Variants in NKAIN2 observed in about 807,000 individuals in gnomAD.
NKAIN2 encodes sodium/potassium transporting ATPase interacting 2.
NKAIN2 carries 14 observed loss-of-function variants against 32.6 expected under a neutral mutation model. The observed-to-expected ratio is 0.43, with a 90% CI of 0.28 to 0.67. NKAIN2 has a LOEUF of 0.67. Ranked by LOEUF, NKAIN2 falls within the 30% of genes least tolerant of loss-of-function variation. NKAIN2 has a pLI of 0.17. For synonymous variants in NKAIN2, 80 were observed against 87.2 expected (o/e 0.92, Z 0.46); for missense variants, 198 against 258.3 (o/e 0.77, Z 1.60).
chr6:124,744,073 T>A (rs1275118096), intron 4 of NKAIN2, among the ~76,000 whole-genome samples: 2 of 151,928 alleles, frequency 1.3e-5, no homozygotes. Flanking sequence ...AATTTTTGTT[T>A]CTTTTTTTCT....
chr6:123,982,560 T>G, intron 1 of NKAIN2, among the ~76,000 whole-genome samples: 1 of 152,096 alleles, frequency 6.6e-6, no homozygotes, highest in East Asian at 1.9e-4. Flanking sequence ...AAGGATTGGG[T>G]TTGAGCTTCC....
At chr6:124,470,341 G>A (rs368000476) in intron 3 of NKAIN2, among the ~76,000 whole-genome samples, 1 of 152,054 alleles carries the variant, frequency 6.6e-6, no homozygotes, top group African/African-American at 2.4e-5. Flanking sequence ...TTCAAGCAGG[G>A]TGGTGACATG....
chr6:124,083,156 T>C (rs1385930428), intron 1 of NKAIN2, among the ~76,000 whole-genome samples: 1 of 151,990 alleles, frequency 6.6e-6, no homozygotes, highest in East Asian at 1.9e-4. Context: ...TGAATAATTT[T>C]AAATTATAAT....
intron 1 of NKAIN2, among the ~76,000 whole-genome samples, chr6:124,180,058 G>T (rs879239472): frequency 1.3e-5 from 2 of 151,860 alleles, no homozygotes; most frequent in Admixed American, 1.3e-4. Flanking sequence ...TCCTTTCATG[G>T]GTAAATAGAT....
chr6:124,800,887 G>A (rs1439048697), intron 5 of NKAIN2, among the ~76,000 whole-genome samples: 1 of 152,160 alleles, frequency 6.6e-6, no homozygotes, highest in African/African-American at 2.4e-5. Flanking sequence ...TTTCAGCAAA[G>A]AGTGTAGTTT....
At chr6:123,924,516 G>A (rs557291808) in intron 1 of NKAIN2, among the ~76,000 whole-genome samples, 1 of 152,242 alleles carries the variant, frequency 6.6e-6, no homozygotes, top group South Asian at 2.1e-4. Flanking sequence ...AGAATTATAT[G>A]TTTATAAGCT....
intron 4 of NKAIN2, among the ~76,000 whole-genome samples, chr6:124,680,139 A>G (rs778589200): frequency 1.3e-5 from 2 of 152,170 alleles, no homozygotes; most frequent in Non-Finnish European, 2.9e-5. Flanking sequence ...TCTGGTTGTA[A>G]AGTAACCTAA....
chr6:124,292,526 G>T (rs1185094966), intron 2 of NKAIN2, among the ~76,000 whole-genome samples: 1 of 149,336 alleles, frequency 6.7e-6, no homozygotes, highest in African/African-American at 2.5e-5. Context: ...AACAATGAGA[G>T]CTGAGCAGAT....
At chr6:123,804,572 C>G (rs1258002261) in intron 1 of NKAIN2, among the ~76,000 whole-genome samples, 2 of 152,118 alleles carry the variant, frequency 1.3e-5, no homozygotes, top group African/African-American at 4.8e-5. Flanking sequence ...CATGTAACAA[C>G]GTGATTGTCA....
chr6:124,175,458 A>G (rs908505389), intron 1 of NKAIN2, among the ~76,000 whole-genome samples: 1 of 152,228 alleles, frequency 6.6e-6, no homozygotes, highest in Non-Finnish European at 1.5e-5. Context: ...TAAACATTTA[A>G]AAGTTAAAAC....
At chr6:123,828,338 A>G (rs1458363908) in intron 1 of NKAIN2, among the ~76,000 whole-genome samples, 1 of 152,102 alleles carries the variant, frequency 6.6e-6, no homozygotes, top group Non-Finnish European at 1.5e-5. Context: ...ATCTCCAGCA[A>G]CACTGTGTTA....
intron 3 of NKAIN2, among the ~76,000 whole-genome samples, chr6:124,465,604 A>G (rs926525807): frequency 4.0e-5 from 6 of 148,990 alleles, no homozygotes; most frequent in Non-Finnish European, 5.9e-5. Flanking sequence ...GGTTCTGCAC[A>G]TGTATCCCAG....
chr6:124,190,553 A>G (rs1054267705), intron 1 of NKAIN2, among the ~76,000 whole-genome samples: 2 of 152,208 alleles, frequency 1.3e-5, no homozygotes, highest in Non-Finnish European at 2.9e-5. Flanking sequence ...GTGGCTCTAT[A>G]ATTGGCATTT....
intron 4 of NKAIN2, among the ~76,000 whole-genome samples, chr6:124,776,989 A>T (rs1779008962): frequency 6.6e-6 from 1 of 152,174 alleles, no homozygotes; most frequent in South Asian, 2.1e-4. Flanking sequence ...TTGTATTATC[A>T]TTAATAAAGA....
At chr6:124,544,152 A>C (rs1043200885) in intron 3 of NKAIN2, among the ~76,000 whole-genome samples, 3 of 152,070 alleles carry the variant, frequency 2.0e-5, no homozygotes, top group Non-Finnish European at 2.9e-5. Context: ...AGTCAAGTGA[A>C]CTTTCTTGTG....
intron 1 of NKAIN2, among the ~76,000 whole-genome samples, chr6:124,025,280 A>G (rs2114770741): frequency 6.6e-6 from 1 of 152,230 alleles, no homozygotes; most frequent in South Asian, 2.1e-4. Flanking sequence ...CTCAACTCAC[A>G]AATAGTGTGT....
At chr6:124,626,042 A>G (rs570019297) in intron 3 of NKAIN2, among the ~76,000 whole-genome samples, 3 of 150,430 alleles carry the variant, frequency 2.0e-5, no homozygotes, top group South Asian at 2.1e-4. Context: ...TGCTGCACCC[A>G]TTAACTCGTC....
At chr6:124,354,908 A>G (rs1374295263) in intron 2 of NKAIN2, among the ~76,000 whole-genome samples, 2 of 151,412 alleles carry the variant, frequency 1.3e-5, no homozygotes, top group Non-Finnish European at 1.5e-5. Flanking sequence ...CATCCCTACT[A>G]AAAATACAAA....
intron 1 of NKAIN2, among the ~76,000 whole-genome samples, chr6:123,834,867 A>C (rs180934354): frequency 1.3e-5 from 2 of 152,278 alleles, no homozygotes; most frequent in East Asian, 3.9e-4. Context: ...AATGGACTAC[A>C]TGAGTTGGTA....
Sources: gnomAD v4.1 joint callset for allele counts (sites outside exome capture counted in the v4.1 genomes callset) on GRCh38, gnomAD v4.1.1 for gene constraint, MANE v1.5 for transcripts, NCBI Gene and HGNC (gene_info 2026-07-23, HGNC 2026-07-21) for gene names.